KIAA1549L: variants seen among roughly 807,000 people sequenced by gnomAD.
KIAA1549L encodes the protein KIAA1549 like.
KIAA1549L carries 88 observed loss-of-function variants against 160.7 expected under a neutral mutation model. That is an observed-to-expected ratio of 0.55 (90% CI 0.46 to 0.65). KIAA1549L has a LOEUF of 0.65. KIAA1549L is among the 30% of genes least tolerant of loss of function. The pLI, the probability that KIAA1549L is intolerant of heterozygous loss-of-function variation, is 0.00. For synonymous variants in KIAA1549L, 950 were observed against 976.7 expected (o/e 0.97, Z 0.51); for missense variants, 2,258 against 2,437.5 (o/e 0.93, Z 1.55).
In KIAA1549L at chr11:33,559,734, C is replaced by T. The variant is rs2133215230; in HGVS notation, c.3856-15C>T. 1 of 1,612,976 alleles carries T rather than the reference C, an allele frequency of 6.2e-7. No homozygotes were observed. The highest frequency in any genetic ancestry group is 1.1e-5 in the South Asian group (1 of 91,046). On this transcript the variant is annotated splice_polypyrimidine_tract_variant and intron_variant, in intron 6 of 20. Transcript: ENST00000658780. ...TTGGCCTGTCTCCCTCCCCTTTTCT[C>T]CTGTGTTGATTCAGATTGTGAGCAC... is the stretch of plus-strand genomic sequence containing the variant.
At chr11:33,588,087 A>C (rs910974840) in intron 11 of KIAA1549L, among the ~76,000 whole-genome samples, 2 of 152,238 alleles carry the variant, frequency 1.3e-5, no homozygotes, top group African/African-American at 4.8e-5. Context: ...CAGTTGCTTC[A>C]TCTGTAAACT....
At position 33,656,225 on chromosome 11, in the gene KIAA1549L, G is replaced by A. The variant is rs953623307; in HGVS notation, c.5858+116G>A. On this transcript the variant is annotated intron_variant, in intron 18 of 20. Coordinates refer to ENST00000658780, the MANE Select transcript of KIAA1549L (RefSeq NM_012194.3). The stretch of plus-strand genomic sequence containing the variant: ...CTTCATGCTCCACCCCATCCAGGGT[G>A]TGTCACCTGTACAGACAACCATGCG... 10 of 735,702 alleles carry A rather than the reference G, an allele frequency of 1.4e-5. No individual in the cohort carries two copies. In the African/African-American group the frequency reaches 1.6e-4, roughly 11 times the overall value. 45.6% of individuals were successfully genotyped at this position (735,702 alleles called of 1,614,324 possible). A position where few individuals can be genotyped will look rare whatever the true frequency, so the allele number is the denominator to read the frequency against.
chr11:33,490,332 T>TC, intron 1 of KIAA1549L, among the ~76,000 whole-genome samples: 1 of 151,618 alleles, frequency 6.6e-6, no homozygotes, highest in South Asian at 2.1e-4. Flanking sequence ...CTCTTTTTTT[T>TC]TTTTTTTTTG....
At chr11:33,597,373 GGGGAGAAGGGAGGAGGA>G (rs892193418) in intron 12 of KIAA1549L, among the ~76,000 whole-genome samples, 6 of 152,166 alleles carry the variant, frequency 3.9e-5, no homozygotes, top group Non-Finnish European at 5.9e-5. Context: ...CGGAGGCAGA[GGGGAGAAGGGAGGAGGA>G]GGGAGAAGGG....
chr11:33,379,063 C>T (rs946801995), intron 1 of KIAA1549L, among the ~76,000 whole-genome samples: 4 of 152,128 alleles, frequency 2.6e-5, no homozygotes, highest in Non-Finnish European at 4.4e-5. Context: ...TTGTAGAATG[C>T]GTCCGACCCT....
At chr11:33,551,372 T>C in intron 5 of KIAA1549L, 113 bp downstream of exon 5, 6 of 870,646 alleles carry the variant, frequency 6.9e-6, no homozygotes, top group Non-Finnish European at 1.1e-5. Context: ...TTTTAGTCCC[T>C]GTGAACCTTC....
chr11:33,595,009 G>T (rs1167129747), intron 12 of KIAA1549L, among the ~76,000 whole-genome samples: 1 of 152,132 alleles, frequency 6.6e-6, no homozygotes. Context: ...CTTTCAGGAA[G>T]AATAAAAATT....
intron 1 of KIAA1549L, among the ~76,000 whole-genome samples, chr11:33,507,821 T>A (rs931073465): frequency 1.6e-4 from 25 of 152,344 alleles, no homozygotes; most frequent in African/African-American, 6.0e-4. Flanking sequence ...TATATGACTC[T>A]GTTAGGGTTC....
At chr11:33,389,038 T>A (rs1253961679) in intron 1 of KIAA1549L, among the ~76,000 whole-genome samples, 2 of 152,248 alleles carry the variant, frequency 1.3e-5, no homozygotes, top group Non-Finnish European at 2.9e-5. Flanking sequence ...GATTGAGATT[T>A]ATATATGTTA....
chr11:33,406,330 C>G (rs558045401), intron 1 of KIAA1549L, among the ~76,000 whole-genome samples: 23 of 152,280 alleles, frequency 1.5e-4, no homozygotes, highest in African/African-American at 5.5e-4. Flanking sequence ...TGCAGGATGG[C>G]TGGGTGGGGA....
chr11:33,634,617 A>T (rs1173018032), intron 16 of KIAA1549L, among the ~76,000 whole-genome samples: 1 of 152,220 alleles, frequency 6.6e-6, no homozygotes. Flanking sequence ...TTGAGCTGGC[A>T]CCTAAGACTT....
At chr11:33,638,262 A>G (rs1851490727) in intron 16 of KIAA1549L, among the ~76,000 whole-genome samples, 1 of 152,048 alleles carries the variant, frequency 6.6e-6, no homozygotes, top group African/African-American at 2.4e-5. Context: ...TTTTCAGTCA[A>G]TATTCAGCTC....
At chr11:33,495,179 G>A (rs1852785694) in intron 1 of KIAA1549L, among the ~76,000 whole-genome samples, 2 of 151,788 alleles carry the variant, frequency 1.3e-5, no homozygotes, top group Admixed American at 1.3e-4. Flanking sequence ...ACAATGTGCA[G>A]GTTAGTTACA....
At chr11:33,424,188 A>G (rs908210893) in intron 1 of KIAA1549L, among the ~76,000 whole-genome samples, 39 of 152,200 alleles carry the variant, frequency 2.6e-4, no homozygotes, top group Non-Finnish European at 4.0e-4. Flanking sequence ...AGGTCATGGC[A>G]ACGTTTTTTT....
chr11:33,453,119 T>C (rs16924343), intron 1 of KIAA1549L, among the ~76,000 whole-genome samples: 27,086 of 152,228 alleles, frequency 0.18, 2,793 homozygotes, highest in African/African-American at 0.29. Context: ...AGCACTGCTC[T>C]TTCAGGCCAA....
intron 1 of KIAA1549L, among the ~76,000 whole-genome samples, chr11:33,438,854 T>G (rs1341586073): frequency 3.3e-5 from 5 of 152,096 alleles, no homozygotes; most frequent in South Asian, 4.1e-4. Flanking sequence ...AAGGTTTTTT[T>G]TTTTTTTTTT....
chr11:33,399,245 G>A (rs1399659879), intron 1 of KIAA1549L, among the ~76,000 whole-genome samples: 2 of 152,092 alleles, frequency 1.3e-5, no homozygotes, highest in Non-Finnish European at 1.5e-5. Flanking sequence ...GAGTCACCAC[G>A]CCCGGCCCAG....
At chr11:33,442,061 A>T (rs1219385400) in intron 1 of KIAA1549L, among the ~76,000 whole-genome samples, 2 of 151,798 alleles carry the variant, frequency 1.3e-5, no homozygotes, top group African/African-American at 4.8e-5. Context: ...TAGGTCTAAC[A>T]TTTAAGTCTT....
Position 33,542,181 on chromosome 11 carries a change from C to T in KIAA1549L, c.618C>T (p.Ser206=). The T allele has an allele frequency of 1.6e-6, 1 of 633,940 alleles. No individual in the cohort carries two copies. Among genetic ancestry groups the T allele is most frequent in the South Asian group, 1.5e-5 (1 of 66,110 alleles). 39.3% of individuals were successfully genotyped at this position (633,940 alleles called of 1,614,324 possible). A position where few individuals can be genotyped will look rare whatever the true frequency, so the allele number is the denominator to read the frequency against. ...LPLTSMLPSL[S]TVPSGTSFSA... ...TCACCAGCATGCTCCCCTCGTTGTCCACAGTCCCATCAGGGACATCCTTCA... is the reference window on the plus strand; with the variant it reads ...TCACCAGCATGCTCCCCTCGTTGTCTACAGTCCCATCAGGGACATCCTTCA... Residue 206 remains serine (S), a synonymous_variant, in exon 2 of 21, where the codon TCC becomes TCT. Transcript: ENST00000658780.
Sources: allele counts gnomAD v4.1 joint callset (sites outside exome capture counted in the v4.1 genomes callset), GRCh38; gene constraint gnomAD v4.1.1; transcripts MANE v1.5; gene names NCBI Gene and HGNC (gene_info 2026-07-23, HGNC 2026-07-21).